WDR90: variants seen among roughly 807,000 people sequenced by gnomAD.
The protein encoded by WDR90 is WD repeat-containing protein 90.
In WDR90, 238 loss-of-function variants were observed where a neutral mutation model predicts 195.2. The observed-to-expected ratio is 1.22, with a 90% confidence interval of 1.10 to 1.36. The LOEUF (loss-of-function observed/expected upper bound fraction) is 1.36. Ranked by LOEUF, WDR90 falls within the 40% of genes most tolerant of loss-of-function variation. The pLI is 0.00. For synonymous variants in WDR90, 1,265 were observed against 1,052.4 expected, an observed-to-expected ratio of 1.20 and a Z score of -3.91; for missense variants, 2,734 against 2,439.5, an observed-to-expected ratio of 1.12 and a Z score of -2.54.
In WDR90 at chr16:650,734, A is replaced by G. The variant is rs1441876250; in HGVS notation, c.559+25A>G. The G allele has an allele frequency of 5.6e-6, 9 of 1,595,038 alleles. No individual in the cohort carries two copies. The South Asian group carries it at 7.7e-5, about 14-fold the overall frequency. ...GGTGAGGGCCGCACCTGCACTCCCCACTCCATATCTCACCCATGCTCTCAG... is the reference window on the plus strand; with the variant it reads ...GGTGAGGGCCGCACCTGCACTCCCCGCTCCATATCTCACCCATGCTCTCAG... On this transcript the variant is annotated intron_variant, in intron 5 of 40. Coordinates refer to ENST00000293879, the MANE Select transcript of WDR90 (RefSeq NM_145294.5).
rs1371120873 is a variant in WDR90 at position 650,301 on chromosome 16, T to C, written c.327T>C (p.Phe109=). The C allele has an allele frequency of 6.2e-7, 1 of 1,612,864 alleles. No individual in the cohort carries two copies. The highest frequency in any genetic ancestry group is 1.7e-5 in the Admixed American group (1 of 60,010). The change falls in exon 4 of 41, where the codon TTT becomes TTC. Residue 109 remains phenylalanine, a synonymous_variant. Coordinates refer to ENST00000293879, the MANE Select transcript of WDR90 (RefSeq NM_145294.5). ...RVSFSNLFKE[F]KSTATWLQFP... ...CTTTCTCCAACCTCTTCAAGGAGTT[T>C]AAGTCTACGGCCACGTGGCTCCAGT...
intron 10 of WDR90, 91 bp from the exon 11 acceptor site, chr16:653,250 T>C: frequency 9.1e-7 from 1 of 1,103,642 alleles, no homozygotes; most frequent in Non-Finnish European, 1.3e-6. Flanking sequence ...CCCCTCTCCC[T>C]GGGCTGGAGT....
intron 33 of WDR90, 117 bp from the exon 34 acceptor site, chr16:662,562 C>T (rs2037939984): frequency 2.1e-6 from 3 of 1,405,318 alleles, no homozygotes; most frequent in Non-Finnish European, 2.9e-6. Flanking sequence ...ACCGGGAGGG[C>T]ACAGCCAGGT....
In WDR90 at chr16:662,299, G is replaced by A. The variant is rs2037934139; in HGVS notation, c.4113G>A (p.Val1371=). The change falls in exon 33 of 41, where the codon GTG becomes GTA. Residue 1371 remains valine, a synonymous_variant. Coordinates refer to ENST00000293879, the MANE Select transcript of WDR90 (RefSeq NM_145294.5). ...GRLRLWAVGA[V]SELRCKGSGA... ...TGCGCCTGTGGGCCGTGGGGGCTGT[G>A]TCGGAGCTGAGGTGCAAGGGCTCAG... The A allele has an allele frequency of 1.0e-5, 16 of 1,577,414 alleles. No individual in the cohort carries two copies. Among genetic ancestry groups the A allele is most frequent in the East Asian group, 2.3e-5 (1 of 43,200 alleles).
chr16:652,431 A>G (rs1349584544), intron 9 of WDR90, 36 bp from the exon 10 acceptor site: 2 of 1,564,018 alleles, frequency 1.3e-6, no homozygotes, highest in East Asian at 4.5e-5. Context: ...GACCTGGCTG[A>G]GCCTCCCAGG....
At chr16:663,283 C>G (rs1038696771) in intron 34 of WDR90, 1 of 339,656 alleles carries the variant, frequency 2.9e-6, no homozygotes, top group African/African-American at 2.2e-5. Flanking sequence ...ACTGAAAATA[C>G]AAAAATTAGC....
chr16:657,024 G>T, intron 19 of WDR90, 67 bp from the exon 20 acceptor site: 1 of 1,574,766 alleles, frequency 6.4e-7, no homozygotes. Context: ...GTTGGCTGGA[G>T]GTCGAGGGAA....
At position 666,499 on chromosome 16, in the gene WDR90, C is replaced by T. The variant is rs377267977; in HGVS notation, c.4785C>T (p.Ala1595=). Reference sequence around the variant, plus strand: ...AGGGCACAGACCTATGGCTGGCTGCCAGTGGGGACCAGCGGGTCAGCGTCT... The same window carrying T: ...AGGGCACAGACCTATGGCTGGCTGCTAGTGGGGACCAGCGGGTCAGCGTCT... ...GVEGTDLWLA[A]SGDQRVSVWA... Residue 1595 remains alanine (A), a synonymous_variant, in exon 38 of 41, where the codon GCC becomes GCT. Coordinates refer to ENST00000293879, the MANE Select transcript of WDR90 (RefSeq NM_145294.5). The T allele has an allele frequency of 1.9e-6, 3 of 1,612,578 alleles. No individual in the cohort carries two copies. The highest frequency in any genetic ancestry group is 2.7e-5 in the African/African-American group (2 of 74,910).
At position 659,271 on chromosome 16, in the gene WDR90, G is replaced by T. The variant is rs75025148; in HGVS notation, c.3079G>T (p.Ala1027Ser). Residue 1027 changes from alanine (A) to serine (S), a missense_variant, in exon 26 of 41, where the codon GCA becomes TCA. Transcript: ENST00000293879. ...TGPGAGPLED[A>S]ASRASELPRQ... ...CCCGGGCGCAGGACCGCTGGAGGAC[G>T]CAGCGTCCAGGGCCAGCGAGCTCCC... 2 of 1,609,938 alleles carry T rather than the reference G, an allele frequency of 1.2e-6. No individual in the cohort carries two copies. Among genetic ancestry groups the T allele is most frequent in the Admixed American group, 1.7e-5 (1 of 59,668 alleles).
At chr16:660,570 C>G in intron 27 of WDR90, 42 bp from the exon 28 acceptor site, 1 of 1,536,384 alleles carries the variant, frequency 6.5e-7, no homozygotes, top group South Asian at 1.2e-5. Flanking sequence ...GCACAGGTGG[C>G]CATGCTGGGC....
chr16:650,670 G>T lies in WDR90; in HGVS notation c.520G>T (p.Val174Phe), dbSNP rs779327917. ...CATCAGGCTGTGCGCCAGCCTGCTG[G>T]TCAGGAACCTGTACACCAGTGACCT... ...KSIRLCASLL[V>F]RNLYTSDLCF... The change falls in exon 5 of 41, where the codon GTC becomes TTC. Residue 174 changes from valine (V) to phenylalanine (F), a missense_variant. Val to Phe is a conservative substitution (Grantham distance 50). Coordinates refer to ENST00000293879, the MANE Select transcript of WDR90 (RefSeq NM_145294.5). The T allele has an allele frequency of 6.2e-7, 1 of 1,612,510 alleles. No homozygotes were observed. The highest frequency in any genetic ancestry group is 1.1e-5 in the South Asian group (1 of 91,082).
At chr16:649,889 C>CCTGCCCTGCCCCCAGGAGAG in intron 2 of WDR90, 35 bp downstream of exon 2, 1 of 1,578,336 alleles carries the variant, frequency 6.3e-7, no homozygotes, top group Non-Finnish European at 8.6e-7. Flanking sequence ...AGCCCACACC[C>CCTGCCCTGCCCCCAGGAGAG]CTGCCCTGCC....
rs2037775327 is a variant in WDR90 at position 657,154 on chromosome 16, CTGCTCCCAG to C, written c.2407_2415del (p.Cys803_Gln805del). ...CTGACGGCCGCCTGCTCTTCAGCTC[CTGCTCCCAG>C]GGCTCCCTGGCCCAGTACAGCTGTG... On this transcript the variant is annotated inframe_deletion, in exon 20 of 41. Coordinates refer to ENST00000293879, the MANE Select transcript of WDR90 (RefSeq NM_145294.5). The C allele has an allele frequency of 6.4e-7, 1 of 1,567,166 alleles. No homozygotes were observed. Among genetic ancestry groups the C allele is most frequent in the East Asian group, 2.4e-5 (1 of 41,838 alleles).
intron 27 of WDR90, 56 bp downstream of exon 27, chr16:660,217 G>A (rs969121939): frequency 2.1e-5 from 29 of 1,413,374 alleles, no homozygotes; most frequent in South Asian, 2.8e-5. Flanking sequence ...GAGGCCCCCC[G>A]CAGGGCTCCC....
In WDR90 at chr16:661,636, C is replaced by T. The variant is rs1339187968; in HGVS notation, c.3713C>T (p.Ala1238Val). The T allele has an allele frequency of 3.1e-6, 5 of 1,604,996 alleles. No individual in the cohort carries two copies. In the African/African-American group the frequency reaches 6.7e-5, roughly 21 times the overall value. The change falls in exon 31 of 41, where the codon GCC (alanine) becomes GTC (valine). Residue 1238 changes from alanine (A) to valine (V), a missense_variant. Ala to Val is a moderately conservative substitution (Grantham distance 64). Coordinates refer to ENST00000293879, the MANE Select transcript of WDR90 (RefSeq NM_145294.5). ...DGRTLALWGT[A>V]TYDLVSSTRL... ...CGCACCCTCGCCCTGTGGGGCACGG[C>T]CACCTATGACCTCGTGTCCTCCACC... is the stretch of plus-strand genomic sequence containing the variant.
At position 650,315 on chromosome 16, in the gene WDR90, C is replaced by T. The variant is rs2037617982; in HGVS notation, c.341C>T (p.Thr114Met). Reference sequence around the variant, plus strand: ...TTCAAGGAGTTTAAGTCTACGGCCACGTGGCTCCAGTTTCCCTTGGTCCTG... The same window carrying T: ...TTCAAGGAGTTTAAGTCTACGGCCATGTGGCTCCAGTTTCCCTTGGTCCTG... ...NLFKEFKSTA[T>M]WLQFPLVLEA... is the part of the protein sequence containing the mutation. Residue 114 changes from threonine (T) to methionine (M), a missense_variant, in exon 4 of 41, where the codon ACG becomes ATG. By Grantham distance (81) the Thr-to-Met change is moderately conservative. Coordinates refer to ENST00000293879, the MANE Select transcript of WDR90 (RefSeq NM_145294.5). The T allele has an allele frequency of 2.5e-6, 4 of 1,612,962 alleles. No individual in the cohort carries two copies. The highest frequency in any genetic ancestry group is 1.1e-5 in the South Asian group (1 of 91,084).
At chr16:660,800 T>G in intron 28 of WDR90, 86 bp downstream of exon 28, 1 of 1,402,020 alleles carries the variant, frequency 7.1e-7, no homozygotes, top group East Asian at 2.5e-5. Flanking sequence ...CAGGACCTGG[T>G]GGCAAATGAG....
In WDR90 at chr16:655,613, T is replaced by C; in HGVS notation, c.1759T>C (p.Cys587Arg). The change falls in exon 16 of 41, where the codon TGT becomes CGT. Residue 587 changes from cysteine to arginine, a missense_variant. Physicochemically the swap from Cys to Arg is radical, Grantham distance 180. Transcript: ENST00000293879. Reference sequence around the variant, plus strand: ...CAGTGGCCACATCTTGGAGATTGACTGTCAGCGCATGGTCGTGCGGCATGC... The same window carrying C: ...CAGTGGCCACATCTTGGAGATTGACCGTCAGCGCATGGTCGTGCGGCATGC... ...SRSGHILEID[C>R]QRMVVRHARR... The C allele has an allele frequency of 1.9e-6, 3 of 1,607,564 alleles. No individual in the cohort carries two copies. In the South Asian group the frequency reaches 3.3e-5, roughly 18 times the overall value.
At chr16:658,707 C>G (rs909679513) in intron 23 of WDR90, 54 bp downstream of exon 23, 2 of 1,584,696 alleles carry the variant, frequency 1.3e-6, no homozygotes, top group African/African-American at 1.3e-5. Flanking sequence ...CCTCAGGTGG[C>G]CCTGGAGACC....
Sources: gnomAD v4.1 joint callset for allele counts on GRCh38, gnomAD v4.1.1 for gene constraint, MANE v1.5 for transcripts, NCBI Gene and HGNC (gene_info 2026-07-23, HGNC 2026-07-21) for gene names.